The following CDC42BPA variants were observed in gnomAD, a reference collection of about 807,000 sequenced individuals.
The protein encoded by CDC42BPA is CDC42 binding protein kinase alpha.
In CDC42BPA, 80 loss-of-function variants were observed where a neutral mutation model predicts 223.5. The observed-to-expected ratio is 0.36, with a 90% CI of 0.30 to 0.43. The LOEUF is 0.43. Ranked by LOEUF, CDC42BPA falls within the 20% of genes least tolerant of loss-of-function variation. CDC42BPA has a pLI of 1.00. For missense variants in CDC42BPA, 1,743 were observed against 2,099.9 expected (o/e 0.83, Z 3.32); for synonymous variants, 694 against 718.6 (o/e 0.97, Z 0.55).
chr1:227,076,117 T>C (rs1487172131), intron 17 of CDC42BPA, among the ~76,000 whole-genome samples: 1 of 152,190 alleles, frequency 6.6e-6, no homozygotes, highest in African/African-American at 2.4e-5. Flanking sequence ...ATTACTGGTT[T>C]GGAGGGCAAC....
intron 6 of CDC42BPA, among the ~76,000 whole-genome samples, chr1:227,152,620 A>T (rs1661999394): frequency 6.6e-6 from 1 of 152,220 alleles, no homozygotes; most frequent in Non-Finnish European, 1.5e-5. Flanking sequence ...AAGAAAGAAG[A>T]AAACAAACTC....
Position 227,162,504 on chromosome 1 carries a change from T to C in CDC42BPA, c.600-1868A>G, listed in dbSNP as rs184941162. On this transcript the variant is annotated intron_variant, in intron 5 of 36. Transcript: ENST00000366766. Reference sequence around the variant, plus strand: ...ATGACACCAAACTGTGCATTGCCTTTTGCAACTTGGTTTATTCAAATATTA... The same window carrying C: ...ATGACACCAAACTGTGCATTGCCTTCTGCAACTTGGTTTATTCAAATATTA... Among the ~76,000 whole-genome samples the C allele has an allele frequency of 7.4e-4, 113 of 152,316 alleles. 3 individuals carry two copies. Among genetic ancestry groups the C allele is most frequent in the Admixed American group, 7.4e-3 (113 of 15,296 alleles).
chr1:227,213,737 T>C (rs2150370657), intron 2 of CDC42BPA, among the ~76,000 whole-genome samples: 1 of 152,168 alleles, frequency 6.6e-6, no homozygotes, highest in South Asian at 2.1e-4. Flanking sequence ...TCTTACATAC[T>C]ATACCATAAC....
At chr1:227,007,866 T>C (rs967502993) in intron 34 of CDC42BPA, among the ~76,000 whole-genome samples, 20 of 152,252 alleles carry the variant, frequency 1.3e-4, no homozygotes, top group Non-Finnish European at 2.6e-4. Context: ...AAGGCCTAAA[T>C]GCTTAAACTA....
At chr1:227,092,900 A>T (rs1047983921) in intron 15 of CDC42BPA, among the ~76,000 whole-genome samples, 1 of 152,154 alleles carries the variant, frequency 6.6e-6, no homozygotes, top group African/African-American at 2.4e-5. Context: ...TATTACCCCT[A>T]AATACTCCAG....
intron 1 of CDC42BPA, among the ~76,000 whole-genome samples, chr1:227,273,549 CCAA>C (rs1180836328): frequency 3.5e-5 from 5 of 143,246 alleles, no homozygotes; most frequent in East Asian, 2.1e-4. Flanking sequence ...AAAAAAAAAA[CCAA>C]CAACAACAAC....
intron 30 of CDC42BPA, 94 bp from the exon 31 acceptor site, chr1:227,026,246 G>C (rs574520218): frequency 2.3e-4 from 151 of 651,030 alleles, no homozygotes; most frequent in South Asian, 1.9e-3. Flanking sequence ...CTGTAGAGTG[G>C]AATCCCACCC....
intron 12 of CDC42BPA, among the ~76,000 whole-genome samples, chr1:227,113,992 T>G (rs1179373836): frequency 7.6e-6 from 1 of 131,870 alleles, no homozygotes; most frequent in Admixed American, 8.3e-5. Flanking sequence ...CACTCTAGCT[T>G]GGGCAATACA....
intron 1 of CDC42BPA, among the ~76,000 whole-genome samples, chr1:227,284,134 C>T (rs1407947126): frequency 6.6e-6 from 1 of 152,104 alleles, no homozygotes; most frequent in African/African-American, 2.4e-5. Flanking sequence ...AAACTATCTT[C>T]TATTAATGCT....
chr1:227,021,677 C>G (rs1667394947), intron 32 of CDC42BPA, among the ~76,000 whole-genome samples: 1 of 151,244 alleles, frequency 6.6e-6, no homozygotes, highest in Non-Finnish European at 1.5e-5. Context: ...TAGTAGAAAA[C>G]ACAAATTTAT....
At chr1:227,274,106 C>A (rs1168637689) in intron 1 of CDC42BPA, among the ~76,000 whole-genome samples, 3 of 148,944 alleles carry the variant, frequency 2.0e-5, no homozygotes, top group African/African-American at 7.4e-5. Context: ...GGGTTTGCAG[C>A]AATTCCGTAG....
chr1:227,034,961 G>A (rs1669962450), intron 25 of CDC42BPA, among the ~76,000 whole-genome samples, 167 bp from the exon 26 acceptor site: 13 of 152,176 alleles, frequency 8.5e-5, no homozygotes, highest in Admixed American at 8.5e-4. Context: ...ATTAAGCTAT[G>A]AGAAAATGTG....
intron 33 of CDC42BPA, among the ~76,000 whole-genome samples, 162 bp from the exon 34 acceptor site, chr1:227,016,359 G>T (rs987691464): frequency 1.3e-5 from 2 of 152,032 alleles, no homozygotes; most frequent in African/African-American, 4.8e-5. Context: ...TACTTCCTTA[G>T]AATATTTTGT....
chr1:227,083,012 T>C (rs1681036980), intron 16 of CDC42BPA, among the ~76,000 whole-genome samples: 1 of 152,158 alleles, frequency 6.6e-6, no homozygotes. Context: ...TTCTAGGATT[T>C]GTCTAAGTGG....
At chr1:227,011,112 T>C (rs754466970) in intron 34 of CDC42BPA, 75 of 1,059,178 alleles carry the variant, frequency 7.1e-5, no homozygotes, top group Non-Finnish European at 8.6e-5. Flanking sequence ...GTGATGAAAA[T>C]GGATTCACAT....
chr1:227,128,819 T>C (rs1571839529), intron 11 of CDC42BPA, among the ~76,000 whole-genome samples: 1 of 152,198 alleles, frequency 6.6e-6, no homozygotes, highest in East Asian at 1.9e-4. Context: ...AAAAAAGCCA[T>C]CCTTGTTCAC....
chr1:227,133,818 A>G (rs1271694029), intron 10 of CDC42BPA, among the ~76,000 whole-genome samples: 3 of 152,042 alleles, frequency 2.0e-5, no homozygotes, highest in Non-Finnish European at 4.4e-5. Flanking sequence ...CCAGGGACAC[A>G]AACACTGCGG....
At chr1:227,161,589 G>T (rs1663902641) in intron 5 of CDC42BPA, among the ~76,000 whole-genome samples, 1 of 152,172 alleles carries the variant, frequency 6.6e-6, no homozygotes, top group Non-Finnish European at 1.5e-5. Flanking sequence ...TTTGATTACT[G>T]AAGCAATTTC....
At chr1:227,262,171 A>G (rs1684193440) in intron 1 of CDC42BPA, among the ~76,000 whole-genome samples, 2 of 152,082 alleles carry the variant, frequency 1.3e-5, no homozygotes, top group African/African-American at 4.8e-5. Flanking sequence ...AAATACCATG[A>G]AGTGGGTAAC....
Sources: gnomAD v4.1 joint callset for allele counts (sites outside exome capture counted in the v4.1 genomes callset) on GRCh38, gnomAD v4.1.1 for gene constraint, MANE v1.5 for transcripts, NCBI Gene and HGNC (gene_info 2026-07-23, HGNC 2026-07-21) for gene names.